The following IL1RAPL1 variants were observed in gnomAD, a reference collection of about 807,000 sequenced individuals.
IL1RAPL1 encodes interleukin-1 receptor accessory protein-like 1.
In IL1RAPL1, 3 loss-of-function variants were observed where a neutral mutation model predicts 48.4. The observed-to-expected ratio is 0.06, with a 90% CI of 0.03 to 0.16. IL1RAPL1 has a LOEUF of 0.16. IL1RAPL1 is among the 10% of genes least tolerant of loss of function. IL1RAPL1 has a pLI of 1.00. For missense variants in IL1RAPL1, 349 were observed against 530.6 expected, an observed-to-expected ratio of 0.66 and a Z score of 3.36; for synonymous variants, 185 against 187.7, an observed-to-expected ratio of 0.99 and a Z score of 0.12.
At position 28,868,412 on chromosome X, in the gene IL1RAPL1, A is replaced by T. The variant is rs770159124; in HGVS notation, c.82+78987A>T. Among the ~76,000 whole-genome samples the T allele has an allele frequency of 4.0e-3, 436 of 109,860 alleles. 4 individuals carry two copies. The highest frequency in any genetic ancestry group is 0.014 in the African/African-American group (413 of 29,586). On this transcript the variant is annotated intron_variant, in intron 2 of 10. Coordinates refer to ENST00000378993, the MANE Select transcript of IL1RAPL1 (RefSeq NM_014271.4). ...CACATTTAGTTTATACTTTTTTTTT[A>T]AAACCTTCCTTTCTTTGGTTCAATT...
At chrX:29,352,517 A>G (rs915054177) in intron 3 of IL1RAPL1, among the ~76,000 whole-genome samples, 3 of 111,235 alleles carry the variant, frequency 2.7e-5, no homozygotes, top group Non-Finnish European at 5.7e-5. Context: ...GGAGATGGTC[A>G]AGTTTAGTTA....
At chrX:29,304,883 G>A (rs1394966153) in intron 3 of IL1RAPL1, among the ~76,000 whole-genome samples, 1 of 112,355 alleles carries the variant, frequency 8.9e-6, no homozygotes, top group Non-Finnish European at 1.9e-5. Context: ...TGATTCTCCT[G>A]CCTCAGGGCA....
intron 6 of IL1RAPL1, among the ~76,000 whole-genome samples, chrX:29,785,073 C>T (rs145984455): frequency 8.8e-4 from 98 of 111,866 alleles, no homozygotes; most frequent in Non-Finnish European, 1.6e-3. Flanking sequence ...TAGATTTCAA[C>T]GCAATCAAGA....
chrX:29,696,883 T>C (rs912759927), intron 6 of IL1RAPL1, among the ~76,000 whole-genome samples: 1 of 111,150 alleles, frequency 9.0e-6, no homozygotes, highest in African/African-American at 3.3e-5. Context: ...ATTTTTCTTA[T>C]ACTTGAATGA....
chrX:29,045,967 T>C (rs945780323), intron 2 of IL1RAPL1, among the ~76,000 whole-genome samples: 9 of 63,566 alleles, frequency 1.4e-4, no homozygotes, highest in African/African-American at 4.3e-4. Context: ...TCCTCCTCCT[T>C]CTTCTCCTCC....
chrX:28,747,284 T>C (rs1935990848), intron 1 of IL1RAPL1, among the ~76,000 whole-genome samples: 1 of 111,790 alleles, frequency 8.9e-6, no homozygotes, highest in Non-Finnish European at 1.9e-5. Context: ...TCCTTCCCCA[T>C]GTACACATGT....
At chrX:29,806,323 A>G (rs981258186) in intron 6 of IL1RAPL1, among the ~76,000 whole-genome samples, 3 of 111,603 alleles carry the variant, frequency 2.7e-5, no homozygotes, top group African/African-American at 9.8e-5. Flanking sequence ...TGACAGGCAA[A>G]GATTTCAAAT....
At chrX:28,766,300 C>A (rs1203117665) in intron 1 of IL1RAPL1, among the ~76,000 whole-genome samples, 1 of 110,599 alleles carries the variant, frequency 9.0e-6, no homozygotes, top group African/African-American at 3.3e-5. Flanking sequence ...AAATAGAAAT[C>A]AAATCAACTA....
At chrX:29,891,909 A>G (rs1932281895) in intron 6 of IL1RAPL1, among the ~76,000 whole-genome samples, 2 of 111,793 alleles carry the variant, frequency 1.8e-5, no homozygotes, top group Admixed American at 9.5e-5. Flanking sequence ...TTTGTTAAAT[A>G]ATTTTCCATG....
At chrX:28,916,289 G>T (rs1411171873) in intron 2 of IL1RAPL1, among the ~76,000 whole-genome samples, 1 of 111,148 alleles carries the variant, frequency 9.0e-6, no homozygotes, top group Non-Finnish European at 1.9e-5. Context: ...GTCAATTCTT[G>T]CTGGGACACT....
At chrX:29,006,655 G>A (rs1035015614) in intron 2 of IL1RAPL1, among the ~76,000 whole-genome samples, 32 of 95,823 alleles carry the variant, frequency 3.3e-4, no homozygotes, top group African/African-American at 1.3e-3. Flanking sequence ...ATATGTGTGT[G>A]TGTGTGTGTG....
chrX:29,716,233 C>T (rs1340132201), intron 6 of IL1RAPL1, among the ~76,000 whole-genome samples: 1 of 111,296 alleles, frequency 9.0e-6, no homozygotes, highest in Admixed American at 9.6e-5. Flanking sequence ...AGATCGATCA[C>T]TAGATGCAGG....
intron 2 of IL1RAPL1, among the ~76,000 whole-genome samples, chrX:28,838,195 A>T (rs1359550595): frequency 9.0e-6 from 1 of 111,165 alleles, no homozygotes; most frequent in East Asian, 2.8e-4. Flanking sequence ...GAGTCTTAGA[A>T]TCCATCCCGT....
intron 5 of IL1RAPL1, among the ~76,000 whole-genome samples, chrX:29,598,289 A>G (rs926166127): frequency 8.9e-6 from 1 of 112,231 alleles, no homozygotes; most frequent in African/African-American, 3.2e-5. Flanking sequence ...TAACCCAATG[A>G]CCATTCAGAA....
intron 6 of IL1RAPL1, among the ~76,000 whole-genome samples, chrX:29,711,540 C>A (rs946700097): frequency 2.7e-5 from 3 of 111,381 alleles, no homozygotes; most frequent in African/African-American, 9.8e-5. Context: ...TGTATATTTA[C>A]AGATATAAAT....
chrX:29,542,786 A>C (rs1295057148), intron 5 of IL1RAPL1, among the ~76,000 whole-genome samples: 1 of 111,851 alleles, frequency 8.9e-6, no homozygotes, highest in Non-Finnish European at 1.9e-5. Flanking sequence ...TAAGACTTAG[A>C]CTCCTGATTG....
At chrX:29,400,699 T>C (rs1276037366) in intron 5 of IL1RAPL1, among the ~76,000 whole-genome samples, 1 of 112,154 alleles carries the variant, frequency 8.9e-6, no homozygotes, top group Non-Finnish European at 1.9e-5. Flanking sequence ...CTACATCTTA[T>C]AATAATTTAT....
intron 6 of IL1RAPL1, among the ~76,000 whole-genome samples, chrX:29,854,206 G>A (rs777641658): frequency 9.0e-6 from 1 of 111,653 alleles, no homozygotes; most frequent in Admixed American, 9.5e-5. Context: ...TCTTTTTACT[G>A]GCTTGAGCAG....
At chrX:28,727,993 C>T (rs759294313) in intron 1 of IL1RAPL1, among the ~76,000 whole-genome samples, 143 of 110,070 alleles carry the variant, frequency 1.3e-3, no homozygotes, top group African/African-American at 4.4e-3. Context: ...GTGGGTGCAG[C>T]GCACCAGCGT....
Sources: allele counts gnomAD v4.1 joint callset (sites outside exome capture counted in the v4.1 genomes callset), GRCh38; gene constraint gnomAD v4.1.1; transcripts MANE v1.5; gene names NCBI Gene and HGNC (gene_info 2026-07-23, HGNC 2026-07-21).